Variants in NXNL2 observed in about 807,000 individuals in gnomAD.
The protein encoded by NXNL2 is nucleoredoxin-like protein 2.
A neutral mutation model predicts 11.1 loss-of-function variants in NXNL2; 7 were observed. That is an observed-to-expected ratio of 0.63 (90% CI 0.36 to 1.18). The LOEUF (loss-of-function observed/expected upper bound fraction) is 1.18. Ranked by LOEUF, NXNL2 falls within the 50% of genes most tolerant of loss-of-function variation. The pLI is 0.02. For synonymous variants in NXNL2, 109 were observed against 101.8 expected (o/e 1.07, Z -0.42); for missense variants, 233 against 217.7 (o/e 1.07, Z -0.44).
At chr9:88,564,321 CT>C (rs1334439226) in intron 1 of NXNL2, among the ~76,000 whole-genome samples, 16 of 149,474 alleles carry the variant, frequency 1.1e-4, no homozygotes, top group South Asian at 2.1e-4. Context: ...ATCTATCTAT[CT>C]ATCGTCTATT....
At position 88,544,847 on chromosome 9, in the gene NXNL2, C is replaced by T. The variant is rs116540270; in HGVS notation, c.*300C>T. On this transcript the variant is annotated 3_prime_UTR_variant, in exon 2 of 2. Coordinates refer to ENST00000375854, the MANE Select transcript of NXNL2 (RefSeq NM_001161625.2). ...TGAGCTGTTGGAAATCTATGCAAGA[C>T]ATTTATTTGTACAAGTCTCTTCAGG... 6 of 1,068,216 alleles carry T rather than the reference C, an allele frequency of 5.6e-6. No individual in the cohort carries two copies. Among genetic ancestry groups the T allele is most frequent in the Non-Finnish European group, 5.7e-6 (5 of 882,668 alleles). The allele number at this position is 1,068,216 out of a possible 1,614,324, so 66.2% of individuals were successfully genotyped here. A position where few individuals can be genotyped will look rare whatever the true frequency, so the allele number is the denominator to read the frequency against.
At chr9:88,574,857 C>A (rs563778515) in intron 2 of NXNL2, among the ~76,000 whole-genome samples, 1 of 152,146 alleles carries the variant, frequency 6.6e-6, no homozygotes, top group Non-Finnish European at 1.5e-5. Flanking sequence ...CTGGCAGGGG[C>A]CAGGTGGTCT....
At chr9:88,573,268 C>G (rs556457907) in intron 2 of NXNL2, among the ~76,000 whole-genome samples, 1 of 152,066 alleles carries the variant, frequency 6.6e-6, no homozygotes, top group Non-Finnish European at 1.5e-5. Flanking sequence ...CTCAGCCTCC[C>G]GGAGAGCTGG....
At chr9:88,567,807 G>C (rs1259744796) in intron 1 of NXNL2, among the ~76,000 whole-genome samples, 4 of 152,180 alleles carry the variant, frequency 2.6e-5, no homozygotes, top group African/African-American at 9.6e-5. Flanking sequence ...TCTGTGTGGG[G>C]AGCAGCCCAG....
chr9:88,538,733 G>A (rs905220859), intron 1 of NXNL2, among the ~76,000 whole-genome samples: 4 of 152,236 alleles, frequency 2.6e-5, no homozygotes, highest in Non-Finnish European at 5.9e-5. Flanking sequence ...GTTGGCCCAG[G>A]TGGAATTGGA....
chr9:88,583,298 T>C (rs1419202913), intron 1 of NXNL2, among the ~76,000 whole-genome samples: 1 of 152,238 alleles, frequency 6.6e-6, no homozygotes, highest in Non-Finnish European at 1.5e-5. Context: ...AGTGTTATCT[T>C]CTTAGTTCCT....
chr9:88,547,237 T>C (rs1181184664), downstream of NXNL2, among the ~76,000 whole-genome samples: 1 of 152,198 alleles, frequency 6.6e-6, no homozygotes, highest in Non-Finnish European at 1.5e-5. Context: ...GGCATCTTTA[T>C]CAAAGCCCAG....
intron 1 of NXNL2, among the ~76,000 whole-genome samples, chr9:88,536,542 C>T (rs1477421623): frequency 1.3e-5 from 2 of 152,080 alleles, no homozygotes; most frequent in Non-Finnish European, 2.9e-5. Context: ...GTATGTTGTC[C>T]TGGCCACCCC....
intron 1 of NXNL2, among the ~76,000 whole-genome samples, chr9:88,566,484 G>A (rs1365824330): frequency 1.3e-5 from 2 of 152,066 alleles, no homozygotes; most frequent in African/African-American, 4.8e-5. Flanking sequence ...TATATTTTTA[G>A]TAGAGACAGG....
exon 2 of NXNL2, chr9:88,584,077 A>G (rs17054242): frequency 0.03 from 4,601 of 152,298 alleles, 144 homozygotes; most frequent in East Asian, 0.18. Context: ...GGTGGAAGCA[A>G]TCCAATTGCC....
In NXNL2 at chr9:88,535,751, T is replaced by TG. The variant is rs764427244; in HGVS notation, c.302+22dup. The TG allele has an allele frequency of 2.5e-5, 39 of 1,530,290 alleles. No individual in the cohort carries two copies. The African/African-American group carries it at 3.9e-4, about 15-fold the overall frequency. 94.8% of individuals were successfully genotyped at this position (1,530,290 alleles called of 1,614,324 possible). A position where few individuals can be genotyped will look rare whatever the true frequency, so the allele number is the denominator to read the frequency against. Reference sequence around the variant, plus strand: ...CCCTACCGGCAGTGAGTGGGGGTCCTGGGGGGGCGGGGGCCGCCCGGCACG... The same window carrying TG: ...CCCTACCGGCAGTGAGTGGGGGTCCTGGGGGGGGCGGGGGCCGCCCGGCACG... On this transcript the variant is annotated intron_variant, in intron 1 of 1. Transcript: ENST00000375854.
At chr9:88,556,125 G>A (rs988300644) in intron 1 of NXNL2, among the ~76,000 whole-genome samples, 1 of 152,194 alleles carries the variant, frequency 6.6e-6, no homozygotes, top group Admixed American at 6.5e-5. Context: ...GAGTCCCGAG[G>A]TCTCGGCCCC....
rs543655243 is a variant in NXNL2 at position 88,535,296 on chromosome 9, A to G, written c.-139A>G. ...CGAGGCCTGGCCAAGGTGTGGGCGC[A>G]TCTGGGGCAGGTCTTGAGAGGTCCA... On this transcript the variant is annotated 5_prime_UTR_variant, in exon 1 of 2. Transcript: ENST00000375854. The G allele has an allele frequency of 3.7e-4, 295 of 793,522 alleles. No homozygotes were observed. In the African/African-American group the frequency reaches 4.2e-3, roughly 11 times the overall value. 49.2% of individuals were successfully genotyped at this position (793,522 alleles called of 1,614,324 possible).
chr9:88,539,388 A>G, intron 1 of NXNL2, among the ~76,000 whole-genome samples: 1 of 149,492 alleles, frequency 6.7e-6, no homozygotes, highest in East Asian at 2.0e-4. Context: ...TGGCATCCCA[A>G]CCCCTTCACG....
At position 88,570,729 on chromosome 9, in the gene NXNL2, C is replaced by T. The variant is rs547682525; in HGVS notation, c.303-358C>T. 9.9e-5 allele frequency among the ~76,000 whole-genome samples: 15 copies of T among 152,152 alleles called. No homozygotes were observed. The East Asian group carries it at 2.9e-3, about 29-fold the overall frequency. On this transcript the variant is annotated intron_variant, in intron 1 of 2. Transcript: ENST00000375855. ...GAATCTCAGATTTAACAGGAAGAGC[C>T]CAATACTGGTTTTTGTTTTGTTTTG...
chr9:88,583,822 T>C (rs544370057), intron 1 of NXNL2, among the ~76,000 whole-genome samples: 2 of 152,304 alleles, frequency 1.3e-5, no homozygotes, highest in African/African-American at 4.8e-5. Flanking sequence ...AAGAGCTTCT[T>C]TTCTCTCCAC....
Position 88,568,584 on chromosome 9 carries a change from C to T in NXNL2, c.303-2503C>T, listed in dbSNP as rs1013490476. 6.6e-5 allele frequency among the ~76,000 whole-genome samples: 10 copies of T among 152,340 alleles called. No homozygotes were observed. In the East Asian group the frequency reaches 7.7e-4, roughly 12 times the overall value. ...CATATTTATGTTTATACTTGGGCCT[C>T]TTTCTGGTCTTTCCAAGTAGTCCGT... On this transcript the variant is annotated intron_variant, in intron 1 of 2. Transcript: ENST00000375855.
downstream of NXNL2, among the ~76,000 whole-genome samples, chr9:88,546,148 C>CGTGTGT (rs747134247): frequency 8.9e-3 from 1,314 of 147,442 alleles, 22 homozygotes; most frequent in East Asian, 0.084. Context: ...ACTGAGTGTT[C>CGTGTGT]GTGTGTGTGT....
downstream of NXNL2, among the ~76,000 whole-genome samples, chr9:88,546,417 T>C (rs989444299): frequency 8.6e-6 from 1 of 115,946 alleles, no homozygotes; most frequent in African/African-American, 7.9e-5. Context: ...ACACATTCTT[T>C]TTTTTTTTTT....
Sources: gnomAD v4.1 joint callset for allele counts (sites outside exome capture counted in the v4.1 genomes callset) on GRCh38, gnomAD v4.1.1 for gene constraint, MANE v1.5 for transcripts, NCBI Gene and HGNC (gene_info 2026-07-23, HGNC 2026-07-21) for gene names.